Variants in CDK14 observed in about 807,000 individuals in gnomAD.
The protein encoded by CDK14 is cyclin-dependent kinase 14.
A neutral mutation model predicts 60.7 loss-of-function variants in CDK14; 34 were observed. That is an observed-to-expected ratio of 0.56 (90% CI 0.43 to 0.75). CDK14 has a LOEUF of 0.75. Ranked by LOEUF, CDK14 falls within the 30% of genes least tolerant of loss-of-function variation. The pLI, the probability that CDK14 is intolerant of heterozygous loss-of-function variation, is 0.00. For missense variants in CDK14, 482 were observed against 564.1 expected (o/e 0.85, Z 1.47); for synonymous variants, 197 against 203.7 (o/e 0.97, Z 0.28).
intron 2 of CDK14, among the ~76,000 whole-genome samples, chr7:90,695,957 T>C (rs538932202): frequency 6.6e-6 from 1 of 152,128 alleles, no homozygotes; most frequent in South Asian, 2.1e-4. Context: ...TGGTGATAAT[T>C]AAAAAAACCC....
chr7:90,855,699 A>G (rs1388902437), intron 5 of CDK14, among the ~76,000 whole-genome samples: 2 of 152,218 alleles, frequency 1.3e-5, no homozygotes, highest in Non-Finnish European at 2.9e-5. Context: ...GGTAAATTCT[A>G]CTAGGTTGAA....
At chr7:90,790,955 A>T (rs370190685) in intron 5 of CDK14, among the ~76,000 whole-genome samples, 1 of 152,202 alleles carries the variant, frequency 6.6e-6, no homozygotes, top group Non-Finnish European at 1.5e-5. Flanking sequence ...CCTTAGATAC[A>T]TATTAGTTTA....
At chr7:91,053,762 G>T (rs945013203) in intron 11 of CDK14, among the ~76,000 whole-genome samples, 7 of 152,170 alleles carry the variant, frequency 4.6e-5, no homozygotes, top group Admixed American at 6.6e-5. Flanking sequence ...TGTGGATGCA[G>T]CAGAAATTGT....
chr7:90,671,021 T>C lies in CDK14; in HGVS notation c.124-55546T>C, dbSNP rs756757996. Reference sequence around the variant, plus strand: ...AAAAATAAAGAATAGGGGAGGTTTTTATGTGGATGAGCTCTCTGTTTAGCA... The same window carrying C: ...AAAAATAAAGAATAGGGGAGGTTTTCATGTGGATGAGCTCTCTGTTTAGCA... On this transcript the variant is annotated intron_variant, in intron 2 of 14. Coordinates refer to ENST00000380050, the MANE Select transcript of CDK14 (RefSeq NM_001287135.2). Among the ~76,000 whole-genome samples, 3 of 152,286 alleles carry C rather than the reference T, an allele frequency of 2.0e-5. No individual in the cohort carries two copies. The East Asian group carries it at 5.8e-4, about 29-fold the overall frequency.
In CDK14 at chr7:90,794,738, G is replaced by A. The variant is rs566739916; in HGVS notation, c.544+4086G>A. 1.4e-4 allele frequency among the ~76,000 whole-genome samples: 21 copies of A among 152,204 alleles called. No individual in the cohort carries two copies. In the South Asian group the frequency reaches 1.9e-3, roughly 14 times the overall value. ...CACAATCATCACAGGGTCCTGAGGC[G>A]ACATTCATCCTCAGCTTATGAAGAT... On this transcript the variant is annotated intron_variant, in intron 5 of 14. Transcript: ENST00000380050.
chr7:90,690,725 G>A (rs576705018), intron 2 of CDK14, among the ~76,000 whole-genome samples: 15 of 125,174 alleles, frequency 1.2e-4, no homozygotes, highest in African/African-American at 3.5e-4. Flanking sequence ...TTTATGAGCC[G>A]CAACATACAT....
chr7:90,802,237 G>C (rs1046905861), intron 5 of CDK14, among the ~76,000 whole-genome samples: 1 of 152,214 alleles, frequency 6.6e-6, no homozygotes, highest in Admixed American at 6.5e-5. Flanking sequence ...ATTTGACCCT[G>C]TGTAGTAGGT....
intron 4 of CDK14, among the ~76,000 whole-genome samples, chr7:90,788,073 A>G (rs1208465492): frequency 6.6e-6 from 1 of 152,194 alleles, no homozygotes; most frequent in Non-Finnish European, 1.5e-5. Context: ...CGGTTCCTAT[A>G]TTCCAGAACT....
At chr7:90,709,428 A>G (rs1240912557) in intron 2 of CDK14, 4 of 1,466,976 alleles carry the variant, frequency 2.7e-6, no homozygotes, top group Non-Finnish European at 3.6e-6. Context: ...TTTTCCTCCT[A>G]TGCAATCACC....
intron 2 of CDK14, among the ~76,000 whole-genome samples, chr7:90,658,603 A>G (rs776576519): frequency 6.6e-6 from 1 of 152,172 alleles, no homozygotes; most frequent in Non-Finnish European, 1.5e-5. Context: ...CATGTTTTCA[A>G]GGTACATCCT....
chr7:91,015,202 C>A (rs1258881824), intron 10 of CDK14, among the ~76,000 whole-genome samples: 3 of 152,094 alleles, frequency 2.0e-5, no homozygotes, highest in Non-Finnish European at 4.4e-5. Context: ...TTTAACAAAT[C>A]AGATCAGTTT....
intron 12 of CDK14, among the ~76,000 whole-genome samples, chr7:91,103,979 G>A (rs1248668045): frequency 2.0e-5 from 3 of 151,984 alleles, no homozygotes; most frequent in East Asian, 1.9e-4. Context: ...ATAGTTATTC[G>A]CAATATAAGA....
At chr7:91,010,835 C>CCTTCCTTCTTT (rs1562867326) in intron 10 of CDK14, among the ~76,000 whole-genome samples, 1 of 45,830 alleles carries the variant, frequency 2.2e-5, no homozygotes, top group African/African-American at 8.4e-5. Flanking sequence ...CTTCCTTCCT[C>CCTTCCTTCTTT]CCTCCCTCCC....
intron 8 of CDK14, among the ~76,000 whole-genome samples, chr7:90,947,019 A>C (rs546175601): frequency 9.6e-4 from 147 of 152,332 alleles, no homozygotes; most frequent in African/African-American, 3.3e-3. Flanking sequence ...TCATTTCAGC[A>C]ACCAGACCCT....
intron 7 of CDK14, among the ~76,000 whole-genome samples, chr7:90,914,583 A>G (rs2117406784): frequency 6.6e-6 from 1 of 152,204 alleles, no homozygotes. Flanking sequence ...TTGGGGCTGT[A>G]TTTGTCATGT....
intron 8 of CDK14, among the ~76,000 whole-genome samples, chr7:90,939,296 T>A (rs575134459): frequency 6.6e-6 from 1 of 152,358 alleles, no homozygotes; most frequent in Non-Finnish European, 1.5e-5. Flanking sequence ...AACTAGGACA[T>A]GTGCTTCAGA....
chr7:90,874,105 T>C (rs1425371666), intron 6 of CDK14, among the ~76,000 whole-genome samples: 1 of 152,226 alleles, frequency 6.6e-6, no homozygotes, highest in Non-Finnish European at 1.5e-5. Flanking sequence ...GTATCTTTCC[T>C]GATTTCCAGG....
intron 2 of CDK14, among the ~76,000 whole-genome samples, chr7:90,699,041 A>C (rs1026423472): frequency 3.9e-5 from 6 of 152,366 alleles, no homozygotes; most frequent in African/African-American, 9.6e-5. Flanking sequence ...AATATCAAGA[A>C]GGCCTGTAGG....
intron 4 of CDK14, among the ~76,000 whole-genome samples, chr7:90,765,545 A>G (rs1181007101): frequency 6.6e-6 from 1 of 152,174 alleles, no homozygotes; most frequent in Non-Finnish European, 1.5e-5. Context: ...TCAGATATTC[A>G]GAAAAGTCAA....
Sources: allele counts gnomAD v4.1 joint callset (sites outside exome capture counted in the v4.1 genomes callset), GRCh38; gene constraint gnomAD v4.1.1; transcripts MANE v1.5; gene names NCBI Gene and HGNC (gene_info 2026-07-23, HGNC 2026-07-21).